The following TBC1D5 variants were observed in gnomAD, a reference collection of about 807,000 sequenced individuals.
TBC1D5 encodes TBC1 domain family, member 5.
In TBC1D5, 75 loss-of-function variants were observed where a neutral mutation model predicts 100.3. The observed-to-expected ratio is 0.75, with a 90% confidence interval of 0.62 to 0.91. The LOEUF (loss-of-function observed/expected upper bound fraction) is 0.91, where lower values mean the gene tolerates loss of function less well. TBC1D5 is among the 40% of genes least tolerant of loss of function. TBC1D5 has a pLI of 0.00. For synonymous variants in TBC1D5, 323 were observed against 325.6 expected (o/e 0.99, Z 0.09); for missense variants, 910 against 942.4 (o/e 0.97, Z 0.45).
intron 3 of TBC1D5, among the ~76,000 whole-genome samples, chr3:17,472,518 C>A (rs1343405263): frequency 6.6e-6 from 1 of 152,062 alleles, no homozygotes; most frequent in African/African-American, 2.4e-5. Context: ...AATGGTAACA[C>A]CCTCCTTAAT....
intron 12 of TBC1D5, 21 bp from the exon 13 acceptor site, chr3:17,372,268 C>T: frequency 1.9e-6 from 3 of 1,581,480 alleles, no homozygotes; most frequent in Non-Finnish European, 1.7e-6. Context: ...AAAAATTGAA[C>T]ATGTATTATT....
intron 3 of TBC1D5, among the ~76,000 whole-genome samples, chr3:17,506,850 C>T (rs2095849785): frequency 6.6e-6 from 1 of 151,860 alleles, no homozygotes; most frequent in African/African-American, 2.4e-5. Context: ...CCCGTCTCTA[C>T]TAAAAACACA....
At chr3:17,373,880 A>T (rs2092587402) in intron 12 of TBC1D5, among the ~76,000 whole-genome samples, 2 of 152,132 alleles carry the variant, frequency 1.3e-5, no homozygotes, top group African/African-American at 2.4e-5. Flanking sequence ...GTTAATGGAC[A>T]TGCAGTTTTC....
At chr3:17,425,534 T>C (rs1334944692) in intron 4 of TBC1D5, among the ~76,000 whole-genome samples, 1 of 151,954 alleles carries the variant, frequency 6.6e-6, no homozygotes, top group East Asian at 1.9e-4. Flanking sequence ...GGCTGAGAGG[T>C]GGGAGGATTG....
chr3:17,735,569 A>C (rs949680692), intron 1 of TBC1D5, among the ~76,000 whole-genome samples: 2 of 152,166 alleles, frequency 1.3e-5, no homozygotes, highest in African/African-American at 2.4e-5. Flanking sequence ...AAGGAATGGA[A>C]CCTTGGGCCT....
rs143267553 is a variant in TBC1D5 at position 17,671,579 on chromosome 3, G to A, written c.-100-47666C>T. ...TAGACTTAATAAAGTACAAAACAAG[G>A]CATCTTCTTTAAGGCATTTTAATAG... On this transcript the variant is annotated intron_variant, in intron 1 of 21. Coordinates refer to ENST00000253692, the Ensembl canonical transcript of TBC1D5. Among the ~76,000 whole-genome samples, 42 of 152,136 alleles carry A rather than the reference G, an allele frequency of 2.8e-4. No homozygotes were observed. In the Middle Eastern group the frequency reaches 0.014, roughly 49 times the overall value.
At chr3:17,513,793 T>C (rs1381380700) in intron 2 of TBC1D5, among the ~76,000 whole-genome samples, 4 of 152,202 alleles carry the variant, frequency 2.6e-5, no homozygotes, top group Non-Finnish European at 5.9e-5. Flanking sequence ...TGAATAAGTA[T>C]GTGTTCTAGG....
At chr3:17,440,820 T>G (rs1302573721) in intron 3 of TBC1D5, among the ~76,000 whole-genome samples, 1 of 152,058 alleles carries the variant, frequency 6.6e-6, no homozygotes, top group Non-Finnish European at 1.5e-5. Flanking sequence ...TTTTATATTT[T>G]TAGCAGAAAC....
At chr3:17,485,382 G>C (rs1202018583) in intron 3 of TBC1D5, among the ~76,000 whole-genome samples, 6 of 151,098 alleles carry the variant, frequency 4.0e-5, no homozygotes, top group African/African-American at 1.5e-4. Flanking sequence ...TGTGCACAAT[G>C]TGCAGGTTAG....
chr3:17,615,443 A>G (rs1368887464), intron 2 of TBC1D5, among the ~76,000 whole-genome samples: 2 of 152,180 alleles, frequency 1.3e-5, no homozygotes, highest in East Asian at 3.8e-4. Context: ...TGATTGGAAT[A>G]CTTTCAGAAG....
rs2065992672 is a variant in TBC1D5, at chr3:17,655,632, C to G, written c.-100-31719G>C. Among the ~76,000 whole-genome samples, 4 of 152,036 alleles carry G rather than the reference C, an allele frequency of 2.6e-5. No individual in the cohort carries two copies. The South Asian group carries it at 8.3e-4, about 31-fold the overall frequency. On this transcript the variant is annotated intron_variant, in intron 1 of 21. Coordinates refer to ENST00000253692, the Ensembl canonical transcript of TBC1D5. ...TAAACCTGCAATAGGTTGAGGATCC[C>G]TAATCCGAAAATCTGAAATACTACA...
chr3:17,583,011 A>G (rs2096709415), intron 2 of TBC1D5, among the ~76,000 whole-genome samples: 1 of 152,196 alleles, frequency 6.6e-6, no homozygotes, highest in Non-Finnish European at 1.5e-5. Context: ...CGGGCCAGGA[A>G]TGGTGGCTTA....
chr3:17,241,022 GT>G, intron 16 of TBC1D5, among the ~76,000 whole-genome samples: 1 of 152,070 alleles, frequency 6.6e-6, no homozygotes, highest in African/African-American at 2.4e-5. Flanking sequence ...TTTTTTGTGT[GT>G]TTTTAACCAT....
At chr3:17,634,764 T>G in intron 1 of TBC1D5, among the ~76,000 whole-genome samples, 1 of 152,112 alleles carries the variant, frequency 6.6e-6, no homozygotes, top group Non-Finnish European at 1.5e-5. Flanking sequence ...GATAAATATC[T>G]GAGGGGATGG....
chr3:17,221,491 T>C (rs2074281372), intron 17 of TBC1D5, among the ~76,000 whole-genome samples: 1 of 152,024 alleles, frequency 6.6e-6, no homozygotes, highest in South Asian at 2.1e-4. Context: ...TGTGAGTTCT[T>C]AAAGTAGAAG....
intron 2 of TBC1D5, among the ~76,000 whole-genome samples, chr3:17,616,151 T>TAGTC (rs1188571760): frequency 3.3e-5 from 5 of 152,218 alleles, no homozygotes; most frequent in Non-Finnish European, 5.9e-5. Flanking sequence ...ATTTACCCAG[T>TAGTC]AGTCATTCAG....
At chr3:17,304,763 T>C (rs572997139) in intron 14 of TBC1D5, among the ~76,000 whole-genome samples, 5 of 152,252 alleles carry the variant, frequency 3.3e-5, no homozygotes, top group African/African-American at 7.2e-5. Context: ...ATTCTTGAAG[T>C]AGGAACTCAG....
At chr3:17,611,567 T>C (rs1298464592) in intron 2 of TBC1D5, among the ~76,000 whole-genome samples, 1 of 152,146 alleles carries the variant, frequency 6.6e-6, no homozygotes, top group Non-Finnish European at 1.5e-5. Flanking sequence ...CTGAATGATA[T>C]TAAGAGGAAA....
intron 18 of TBC1D5, among the ~76,000 whole-genome samples, chr3:17,198,112 T>C (rs1211680922): frequency 6.6e-6 from 1 of 152,244 alleles, no homozygotes; most frequent in East Asian, 1.9e-4. Context: ...TTTATATTTT[T>C]TTCCAGAAAG....
Sources: gnomAD v4.1 joint callset for allele counts (sites outside exome capture counted in the v4.1 genomes callset) on GRCh38, gnomAD v4.1.1 for gene constraint, MANE v1.5 for transcripts, NCBI Gene and HGNC (gene_info 2026-07-23, HGNC 2026-07-21) for gene names.